Variants in AKAP6 observed in about 807,000 individuals in gnomAD.
AKAP6 encodes A-kinase anchoring protein 6.
Under a neutral mutation model 188.5 loss-of-function variants are expected in AKAP6, and 58 were observed. The ratio of observed to expected loss-of-function variants is 0.31; its 90% CI spans 0.25 to 0.38. The LOEUF (loss-of-function observed/expected upper bound fraction) is 0.38, where lower values mean the gene tolerates loss of function less well. Ranked by LOEUF, AKAP6 falls within the 10% of genes least tolerant of loss-of-function variation. The pLI, the probability that AKAP6 is intolerant of heterozygous loss-of-function variation, is 1.00. For missense variants in AKAP6, 2,710 were observed against 2,740.0 expected (o/e 0.99, Z 0.24); for synonymous variants, 989 against 998.6 (o/e 0.99, Z 0.18).
chr14:32,577,011 G>A (rs191695230), intron 4 of AKAP6, 109 bp from the exon 5 acceptor site: 5 of 1,273,822 alleles, frequency 3.9e-6, no homozygotes, highest in South Asian at 3.1e-5. Flanking sequence ...CGGTGGGATC[G>A]ATTTGATCAT....
In AKAP6 at chr14:32,600,180, T is replaced by C. The variant is rs536986335; in HGVS notation, c.2567-449T>C. Among the ~76,000 whole-genome samples, 45 of 152,348 alleles carry C rather than the reference T, an allele frequency of 3.0e-4. 1 individual carries two copies. The South Asian group carries it at 8.1e-3, about 27-fold the overall frequency. ...AGACAGTATTAATTGGATTTACTAATGTTAAAGACTGCCGTCTTAATTCTG... is the reference window on the plus strand; with the variant it reads ...AGACAGTATTAATTGGATTTACTAACGTTAAAGACTGCCGTCTTAATTCTG... On this transcript the variant is annotated intron_variant, in intron 6 of 13. Coordinates refer to ENST00000280979, the MANE Select transcript of AKAP6 (RefSeq NM_004274.5).
At chr14:32,335,875 T>C (rs1297482460) in intron 1 of AKAP6, among the ~76,000 whole-genome samples, 2 of 141,498 alleles carry the variant, frequency 1.4e-5, no homozygotes, top group East Asian at 2.2e-4. Context: ...TAATTCTCTC[T>C]CTCCAGGAGG....
At chr14:32,394,577 A>T (rs1306921635) in intron 1 of AKAP6, among the ~76,000 whole-genome samples, 1 of 152,200 alleles carries the variant, frequency 6.6e-6, no homozygotes, top group East Asian at 1.9e-4. Flanking sequence ...ATTTATATTC[A>T]CATCAGTTCG....
At position 32,690,186 on chromosome 14, in the gene AKAP6, A is replaced by ATG. The variant is rs1156643234; in HGVS notation, c.2880-5804_2880-5803insTG. Among the ~76,000 whole-genome samples the ATG allele has an allele frequency of 5.9e-5, 9 of 151,732 alleles. No homozygotes were observed. The East Asian group carries it at 1.7e-3, about 29-fold the overall frequency. ...GTGTTATATATTTTTTTCAACCAAT[A>ATG]ATTGCTCTATTTTGATGATTTCTTA... On this transcript the variant is annotated intron_variant, in intron 8 of 13. Coordinates refer to ENST00000280979, the MANE Select transcript of AKAP6 (RefSeq NM_004274.5).
At chr14:32,551,728 G>T (rs561860452) in intron 4 of AKAP6, among the ~76,000 whole-genome samples, 1 of 151,478 alleles carries the variant, frequency 6.6e-6, no homozygotes, top group Non-Finnish European at 1.5e-5. Context: ...GCACGATCTC[G>T]GCTCACTGCA....
chr14:32,521,333 C>G (rs752816092), intron 2 of AKAP6, among the ~76,000 whole-genome samples: 23 of 152,118 alleles, frequency 1.5e-4, no homozygotes, highest in East Asian at 7.7e-4. Context: ...GAAGTTCTGG[C>G]CAGGGCAATC....
chr14:32,825,117 A>G (rs2034642500), intron 13 of AKAP6, among the ~76,000 whole-genome samples: 1 of 152,204 alleles, frequency 6.6e-6, no homozygotes, highest in African/African-American at 2.4e-5. Context: ...AGGGAGAATA[A>G]AAAGCTTATC....
intron 7 of AKAP6, among the ~76,000 whole-genome samples, chr14:32,651,790 T>G (rs963399994): frequency 2.6e-5 from 4 of 152,206 alleles, no homozygotes; most frequent in African/African-American, 9.6e-5. Flanking sequence ...GACACCATCA[T>G]TCAAACCATA....
intron 12 of AKAP6, among the ~76,000 whole-genome samples, chr14:32,816,862 G>A (rs2034391525): frequency 6.6e-6 from 1 of 152,084 alleles, no homozygotes; most frequent in African/African-American, 2.4e-5. Flanking sequence ...GTTTTTGCAT[G>A]TGGTACTGCC....
intron 7 of AKAP6, among the ~76,000 whole-genome samples, chr14:32,609,854 AG>A: frequency 7.0e-6 from 1 of 143,282 alleles, no homozygotes; most frequent in South Asian, 2.2e-4. Flanking sequence ...TGTATTCATG[AG>A]GTCTCTCTCT....
chr14:32,331,418 T>C (rs934798853), intron 1 of AKAP6, among the ~76,000 whole-genome samples: 1 of 152,014 alleles, frequency 6.6e-6, no homozygotes, highest in Non-Finnish European at 1.5e-5. Context: ...CGCAGTTATC[T>C]AGTGGAACAT....
intron 8 of AKAP6, among the ~76,000 whole-genome samples, chr14:32,680,217 T>C (rs1005974167): frequency 6.6e-6 from 1 of 152,220 alleles, no homozygotes; most frequent in Non-Finnish European, 1.5e-5. Context: ...CTGTGCATTG[T>C]GCAGAAATTT....
At chr14:32,797,786 GA>G (rs910702077) in intron 12 of AKAP6, among the ~76,000 whole-genome samples, 88 of 144,162 alleles carry the variant, frequency 6.1e-4, no homozygotes, top group African/African-American at 1.6e-3. Flanking sequence ...AAAAGTTGAA[GA>G]AAAAAAAAAC....
At chr14:32,408,841 A>G (rs1373445805) in intron 1 of AKAP6, among the ~76,000 whole-genome samples, 8 of 152,096 alleles carry the variant, frequency 5.3e-5, no homozygotes, top group Non-Finnish European at 7.4e-5. Flanking sequence ...ATGGCAAGGA[A>G]AATGCTGGTG....
intron 1 of AKAP6, among the ~76,000 whole-genome samples, chr14:32,335,660 T>C (rs973260746): frequency 1.3e-5 from 2 of 152,108 alleles, no homozygotes; most frequent in Non-Finnish European, 2.9e-5. Flanking sequence ...AGGGGAGAAA[T>C]CAAATCTTCT....
chr14:32,416,251 G>A lies in AKAP6; in HGVS notation c.-34-17209G>A, dbSNP rs538634896. Among the ~76,000 whole-genome samples the A allele has an allele frequency of 6.9e-4, 105 of 152,260 alleles. 1 individual carries two copies. The highest frequency in any genetic ancestry group is 2.5e-3 in the African/African-American group (102 of 41,558). On this transcript the variant is annotated intron_variant, in intron 1 of 13. Transcript: ENST00000280979. ...TTTTTGATAGTACCCATACCAGTCA[G>A]TATGAGGCAATACCTTGTAGTTTTG...
At chr14:32,749,342 C>T (rs749086733) in intron 11 of AKAP6, among the ~76,000 whole-genome samples, 11 of 152,094 alleles carry the variant, frequency 7.2e-5, no homozygotes, top group Non-Finnish European at 1.5e-5. Context: ...CAGCTTGGCA[C>T]AAAATTTTAA....
chr14:32,704,615 G>A lies in AKAP6; in HGVS notation c.3000+8505G>A, dbSNP rs1171764188. Among the ~76,000 whole-genome samples, 4 of 151,880 alleles carry A rather than the reference G, an allele frequency of 2.6e-5. No individual in the cohort carries two copies. The East Asian group carries it at 7.7e-4, about 29-fold the overall frequency. On this transcript the variant is annotated intron_variant, in intron 9 of 13. Coordinates refer to ENST00000280979, the MANE Select transcript of AKAP6 (RefSeq NM_004274.5). Reference sequence around the variant, plus strand: ...TTGGGGCTAATCTGGTTTGAGGCTGGCAAAAAATTATATGATGTATGATTA... The same window carrying A: ...TTGGGGCTAATCTGGTTTGAGGCTGACAAAAAATTATATGATGTATGATTA...
At chr14:32,408,197 T>G (rs1889360818) in intron 1 of AKAP6, among the ~76,000 whole-genome samples, 1 of 152,066 alleles carries the variant, frequency 6.6e-6, no homozygotes, top group African/African-American at 2.4e-5. Flanking sequence ...CCTCCAAGAC[T>G]CTGGCTGGCT....
Sources: allele counts gnomAD v4.1 joint callset (sites outside exome capture counted in the v4.1 genomes callset), GRCh38; gene constraint gnomAD v4.1.1; transcripts MANE v1.5; gene names NCBI Gene and HGNC (gene_info 2026-07-23, HGNC 2026-07-21).